The following PDE4B variants were observed in gnomAD, a reference collection of about 807,000 sequenced individuals.
PDE4B encodes the protein phosphodiesterase 4B.
Under a neutral mutation model 82.2 loss-of-function variants are expected in PDE4B, and 20 were observed. That is an observed-to-expected ratio of 0.24 (90% CI 0.17 to 0.35). The LOEUF is 0.35. Among genes scored for constraint, PDE4B ranks in the 10% least tolerant of loss-of-function variants. PDE4B has a pLI of 1.00. For synonymous variants in PDE4B, 320 were observed against 318.9 expected, an observed-to-expected ratio of 1.00 and a Z score of -0.04; for missense variants, 655 against 907.2, an observed-to-expected ratio of 0.72 and a Z score of 3.57.
chr1:66,003,724 A>G (rs1250980694), intron 3 of PDE4B, among the ~76,000 whole-genome samples: 1 of 152,168 alleles, frequency 6.6e-6, no homozygotes, highest in Non-Finnish European at 1.5e-5. Flanking sequence ...TCTCACCATC[A>G]GGATTCTTTA....
intron 3 of PDE4B, among the ~76,000 whole-genome samples, chr1:66,044,365 C>T (rs1389570033): frequency 2.6e-5 from 4 of 151,596 alleles, no homozygotes; most frequent in Non-Finnish European, 5.9e-5. Context: ...AAATTGATTA[C>T]TTCTCTGAGA....
chr1:65,880,002 G>C (rs903942594), intron 1 of PDE4B, among the ~76,000 whole-genome samples: 19 of 152,194 alleles, frequency 1.2e-4, no homozygotes, highest in Non-Finnish European at 1.6e-4. Context: ...TGTATTTGCT[G>C]CTTCCCAAAA....
At chr1:66,060,004 A>G (rs1655501679) in intron 3 of PDE4B, among the ~76,000 whole-genome samples, 2 of 152,176 alleles carry the variant, frequency 1.3e-5, no homozygotes, top group South Asian at 4.1e-4. Flanking sequence ...GACTTCAAAA[A>G]CAGTTTTTAA....
intron 3 of PDE4B, among the ~76,000 whole-genome samples, chr1:66,075,333 T>TA (rs1319080710): frequency 6.6e-6 from 1 of 152,054 alleles, no homozygotes; most frequent in Non-Finnish European, 1.5e-5. Context: ...AACAGCTGTT[T>TA]AAAATGCATT....
chr1:65,874,301 C>T (rs1282171079), intron 1 of PDE4B, among the ~76,000 whole-genome samples: 6 of 152,052 alleles, frequency 3.9e-5, no homozygotes, highest in Admixed American at 2.6e-4. Context: ...TGCTGATCAG[C>T]TTAAGGAGAT....
chr1:66,257,205 C>T (rs186100906), intron 4 of PDE4B, among the ~76,000 whole-genome samples: 12 of 152,230 alleles, frequency 7.9e-5, no homozygotes, highest in Non-Finnish European at 1.2e-4. Flanking sequence ...AGCTGTGGTT[C>T]GAATCAACAA....
At chr1:66,221,849 C>T (rs1459095554) in intron 3 of PDE4B, among the ~76,000 whole-genome samples, 1 of 151,656 alleles carries the variant, frequency 6.6e-6, no homozygotes, top group African/African-American at 2.4e-5. Context: ...AATCCTCTTC[C>T]CTTAATTAAT....
At chr1:65,818,906 A>T (rs2101231307) in intron 1 of PDE4B, among the ~76,000 whole-genome samples, 1 of 152,318 alleles carries the variant, frequency 6.6e-6, no homozygotes, top group Non-Finnish European at 1.5e-5. Context: ...AAGCTAGCAT[A>T]GGTTGCAATA....
At chr1:66,152,059 A>C (rs951975736) in intron 3 of PDE4B, among the ~76,000 whole-genome samples, 3 of 152,240 alleles carry the variant, frequency 2.0e-5, no homozygotes, top group Non-Finnish European at 4.4e-5. Context: ...AGCTGTAAAA[A>C]ATAGAAATGA....
chr1:66,131,823 G>C (rs1230240201), intron 3 of PDE4B, among the ~76,000 whole-genome samples: 1 of 151,660 alleles, frequency 6.6e-6, no homozygotes, highest in Non-Finnish European at 1.5e-5. Flanking sequence ...CAGAGGTAGG[G>C]AGACAGTCAA....
intron 1 of PDE4B, among the ~76,000 whole-genome samples, chr1:65,860,728 T>C (rs755490312): frequency 6.6e-6 from 1 of 152,234 alleles, no homozygotes; most frequent in Non-Finnish European, 1.5e-5. Flanking sequence ...GACTTTTTAA[T>C]GATCACTATT....
intron 3 of PDE4B, among the ~76,000 whole-genome samples, chr1:65,944,850 A>T (rs1049558080): frequency 6.6e-6 from 1 of 151,906 alleles, no homozygotes; most frequent in Non-Finnish European, 1.5e-5. Flanking sequence ...CATGGGGAGC[A>T]TTCCTACCAG....
intron 7 of PDE4B, among the ~76,000 whole-genome samples, chr1:66,307,631 C>A (rs999774826): frequency 2.0e-5 from 3 of 152,088 alleles, no homozygotes; most frequent in African/African-American, 7.2e-5. Context: ...GATGTAAACC[C>A]AGATTGAGGG....
At chr1:65,886,145 G>T (rs11586247) in intron 1 of PDE4B, among the ~76,000 whole-genome samples, 27,535 of 150,916 alleles carry the variant, frequency 0.18, 2,957 homozygotes, top group South Asian at 0.38. Flanking sequence ...AAAATCTATT[G>T]TTAAAACAAA....
chr1:66,224,051 C>T (rs1376123261), intron 3 of PDE4B, among the ~76,000 whole-genome samples: 1 of 152,158 alleles, frequency 6.6e-6, no homozygotes, highest in Non-Finnish European at 1.5e-5. Context: ...CCCATGTTTA[C>T]CTTACACCTT....
chr1:66,361,822 T>C (rs1055877822), intron 10 of PDE4B, 29 bp downstream of exon 10: 3 of 1,576,126 alleles, frequency 1.9e-6, no homozygotes, highest in South Asian at 2.3e-5. Flanking sequence ...TTTGTGCATG[T>C]AGCTCTCTGC....
intron 3 of PDE4B, among the ~76,000 whole-genome samples, chr1:66,108,755 A>G (rs765741153): frequency 1.7e-4 from 26 of 151,912 alleles, no homozygotes; most frequent in South Asian, 4.1e-4. Flanking sequence ...GTATCTATAT[A>G]TATCTGTTAG....
intron 1 of PDE4B, among the ~76,000 whole-genome samples, chr1:65,899,926 C>A (rs1194477689): frequency 2.6e-5 from 4 of 151,924 alleles, no homozygotes; most frequent in Non-Finnish European, 5.9e-5. Context: ...AAATAGGGTG[C>A]AGTGTATGCA....
At chr1:66,203,994 T>C (rs995664866) in intron 3 of PDE4B, among the ~76,000 whole-genome samples, 4 of 152,218 alleles carry the variant, frequency 2.6e-5, no homozygotes. Context: ...ACTTTTGGTC[T>C]TTGATGATGG....
Sources: allele counts gnomAD v4.1 joint callset (sites outside exome capture counted in the v4.1 genomes callset), GRCh38; gene constraint gnomAD v4.1.1; transcripts MANE v1.5; gene names NCBI Gene and HGNC (gene_info 2026-07-23, HGNC 2026-07-21).